Variants in DLGAP1 observed in about 807,000 individuals in gnomAD.
The protein encoded by DLGAP1 is DLG associated protein 1.
DLGAP1 carries 11 observed loss-of-function variants against 90.8 expected under a neutral mutation model. The observed-to-expected ratio is 0.12, with a 90% CI of 0.08 to 0.20. The LOEUF is 0.20. DLGAP1 is among the 10% of genes least tolerant of loss of function. DLGAP1 has a pLI of 1.00. For missense variants in DLGAP1, 1,050 were observed against 1,333.8 expected (o/e 0.79, Z 3.31); for synonymous variants, 558 against 540.7 (o/e 1.03, Z -0.44).
chr18:4,069,039 C>T (rs1202911053), intron 2 of DLGAP1, among the ~76,000 whole-genome samples: 3 of 152,012 alleles, frequency 2.0e-5, no homozygotes, highest in Non-Finnish European at 4.4e-5. Context: ...TTTCAATGTC[C>T]TTTTGGGGTT....
chr18:3,889,911 G>A (rs2071415534), intron 3 of DLGAP1, among the ~76,000 whole-genome samples: 1 of 152,166 alleles, frequency 6.6e-6, no homozygotes, highest in South Asian at 2.1e-4. Flanking sequence ...AGGGAAGAGA[G>A]GAGCCAGTCC....
chr18:3,743,421 T>C (rs11665550), intron 5 of DLGAP1, among the ~76,000 whole-genome samples: 70,824 of 149,668 alleles, frequency 0.47, 17,338 homozygotes, highest in Middle Eastern at 0.61. Flanking sequence ...GTGGCGCAAC[T>C]TTGGCTCACT....
intron 9 of DLGAP1, among the ~76,000 whole-genome samples, chr18:3,541,567 G>GT (rs972455040): frequency 2.0e-5 from 3 of 152,330 alleles, no homozygotes; most frequent in East Asian, 1.9e-4. Context: ...AAGAAGCAAT[G>GT]TTTTTTGATT....
At chr18:4,400,383 A>G (rs9947665) in intron 1 of DLGAP1, among the ~76,000 whole-genome samples, 14,323 of 152,310 alleles carry the variant, frequency 0.094, 1,209 homozygotes, top group African/African-American at 0.23. Flanking sequence ...GCTGTTGTTC[A>G]GAACGGAAAA....
At chr18:3,609,671 GT>G (rs1404925682) in intron 7 of DLGAP1, among the ~76,000 whole-genome samples, 2 of 152,084 alleles carry the variant, frequency 1.3e-5, no homozygotes, top group Non-Finnish European at 2.9e-5. Context: ...AGGGGATAGA[GT>G]GTTCCACTTA....
At chr18:4,361,146 T>C (rs112575332) in intron 1 of DLGAP1, among the ~76,000 whole-genome samples, 6 of 152,224 alleles carry the variant, frequency 3.9e-5, no homozygotes, top group Admixed American at 2.0e-4. Context: ...TCAGGGAGTG[T>C]CTAAGAAATT....
At chr18:3,985,879 C>A (rs1056158655) in intron 3 of DLGAP1, among the ~76,000 whole-genome samples, 1 of 152,100 alleles carries the variant, frequency 6.6e-6, no homozygotes, top group Non-Finnish European at 1.5e-5. Flanking sequence ...TCTCCCTCCC[C>A]CAAGAGCCAG....
In DLGAP1 at chr18:3,694,624, C is replaced by G. The variant is rs142141180; in HGVS notation, c.1591+34511G>C. Among the ~76,000 whole-genome samples the G allele has an allele frequency of 1.8e-3, 267 of 152,332 alleles. 1 individual carries two copies. The highest frequency in any genetic ancestry group is 3.4e-3 in the Middle Eastern group (1 of 294). ...CATTGTGGTTTTGGTTTGCATTTCTCTAATGACAAGTGATGATGAACATTT... is the reference window on the plus strand; with the variant it reads ...CATTGTGGTTTTGGTTTGCATTTCTGTAATGACAAGTGATGATGAACATTT... On this transcript the variant is annotated intron_variant, in intron 7 of 12. Transcript: ENST00000315677.
intron 7 of DLGAP1, among the ~76,000 whole-genome samples, chr18:3,586,918 A>G (rs1343020674): frequency 6.6e-6 from 1 of 152,222 alleles, no homozygotes; most frequent in African/African-American, 2.4e-5. Flanking sequence ...GTGACACATA[A>G]GAGTGAGACT....
chr18:4,393,408 C>G (rs560866126), intron 1 of DLGAP1, among the ~76,000 whole-genome samples: 1 of 152,286 alleles, frequency 6.6e-6, no homozygotes, highest in African/African-American at 2.4e-5. Context: ...TTTTCACACT[C>G]TCTGTACTCT....
intron 2 of DLGAP1, among the ~76,000 whole-genome samples, chr18:4,117,198 T>C (rs2076076500): frequency 1.3e-5 from 2 of 152,204 alleles, no homozygotes; most frequent in Non-Finnish European, 2.9e-5. Flanking sequence ...AAACCAACAC[T>C]GCTTACATCT....
chr18:4,405,835 G>T (rs548466177), intron 1 of DLGAP1, among the ~76,000 whole-genome samples: 23 of 152,108 alleles, frequency 1.5e-4, no homozygotes, highest in Non-Finnish European at 3.2e-4. Flanking sequence ...GGAAGGTTTT[G>T]ACTACCAGTT....
chr18:4,360,698 G>T (rs2144095183), intron 1 of DLGAP1, among the ~76,000 whole-genome samples: 1 of 152,288 alleles, frequency 6.6e-6, no homozygotes, highest in Admixed American at 6.5e-5. Flanking sequence ...GTGTGTTTAG[G>T]CCAGGTGCAG....
Position 3,506,527 on chromosome 18 carries a change from A to C in DLGAP1, c.2571+2043T>G, listed in dbSNP as rs1460613593. Among the ~76,000 whole-genome samples the C allele has an allele frequency of 9.3e-5, 14 of 150,824 alleles. 1 individual carries two copies. Among genetic ancestry groups the C allele is most frequent in the African/African-American group, 3.4e-4 (14 of 41,322 alleles). On this transcript the variant is annotated intron_variant, in intron 11 of 12. Coordinates refer to ENST00000315677, the MANE Select transcript of DLGAP1 (RefSeq NM_004746.4). ...AGACTCCGTCTCAAAAAAAAAAAAA[A>C]AAAAAAAAAAGTGGAACTCCATGTC...
At chr18:4,019,787 C>T (rs141596943) in intron 2 of DLGAP1, among the ~76,000 whole-genome samples, 31 of 151,924 alleles carry the variant, frequency 2.0e-4, no homozygotes, top group Admixed American at 5.9e-4. Flanking sequence ...ATCTAGGAAA[C>T]GAGACACATA....
chr18:4,124,317 A>G lies in DLGAP1; in HGVS notation c.-159+26863T>C, dbSNP rs537827420. On this transcript the variant is annotated intron_variant, in intron 2 of 12. Coordinates refer to ENST00000315677, the MANE Select transcript of DLGAP1 (RefSeq NM_004746.4). ...CTCCACCCCTACACCTCCAAAATGA[A>G]TATTACCAGAATTTAATATTATTGG... is the stretch of plus-strand genomic sequence containing the variant. 5.9e-5 allele frequency among the ~76,000 whole-genome samples: 9 copies of G among 152,354 alleles called. No individual in the cohort carries two copies. The South Asian group carries it at 8.3e-4, about 14-fold the overall frequency.
At chr18:4,420,391 G>A (rs574105800) in intron 1 of DLGAP1, among the ~76,000 whole-genome samples, 20 of 43,646 alleles carry the variant, frequency 4.6e-4, no homozygotes, top group African/African-American at 7.8e-4. Context: ...TTTTCCATTG[G>A]ACATGAAACA....
At chr18:4,314,384 C>T (rs535167666) in intron 1 of DLGAP1, among the ~76,000 whole-genome samples, 1 of 152,184 alleles carries the variant, frequency 6.6e-6, no homozygotes, top group South Asian at 2.1e-4. Context: ...TCTCTAATCA[C>T]AAATTTGTAA....
chr18:4,162,217 G>T (rs964065524), intron 1 of DLGAP1, among the ~76,000 whole-genome samples: 1 of 152,096 alleles, frequency 6.6e-6, no homozygotes, highest in African/African-American at 2.4e-5. Flanking sequence ...TGTCTCATAG[G>T]CAGAAGAGCT....
Sources: gnomAD v4.1 joint callset for allele counts (sites outside exome capture counted in the v4.1 genomes callset) on GRCh38, gnomAD v4.1.1 for gene constraint, MANE v1.5 for transcripts, NCBI Gene and HGNC (gene_info 2026-07-23, HGNC 2026-07-21) for gene names.